PCNX1: variants seen among roughly 807,000 people sequenced by gnomAD.
PCNX1 encodes the protein pecanex 1, also known as pecanex-like protein 1.
A neutral mutation model predicts 242.2 loss-of-function variants in PCNX1; 78 were observed. The observed-to-expected ratio is 0.32, with a 90% CI of 0.27 to 0.39. The LOEUF is 0.39. Among genes scored for constraint, PCNX1 ranks in the 10% least tolerant of loss-of-function variants. PCNX1 has a pLI of 1.00. For synonymous variants in PCNX1, 1,024 were observed against 1,032.9 expected (o/e 0.99, Z 0.17); for missense variants, 2,581 against 2,856.5 (o/e 0.90, Z 2.20).
chr14:70,968,916 T>C lies in PCNX1; in HGVS notation c.515-105T>C, dbSNP rs115576037. 9.5e-3 allele frequency: 6,364 copies of C among 669,110 alleles called. 58 individuals are homozygous for C. The highest frequency in any genetic ancestry group is 0.016 in the African/African-American group (892 of 55,612). 41.4% of individuals were successfully genotyped at this position (669,110 alleles called of 1,614,324 possible). On this transcript the variant is annotated intron_variant, in intron 4 of 35. Coordinates refer to ENST00000304743, the MANE Select transcript of PCNX1 (RefSeq NM_014982.3). ...CTTTGATACACAAAAACTACTTTAG[T>C]TGATAGACATTAGTACTCCTTGATG... is the stretch of plus-strand genomic sequence containing the variant.
chr14:70,996,081 C>CT (rs1404223635), intron 8 of PCNX1, among the ~76,000 whole-genome samples, 156 bp downstream of exon 8: 1 of 152,052 alleles, frequency 6.6e-6, no homozygotes, highest in Non-Finnish European at 1.5e-5. Flanking sequence ...GAAAATGTGA[C>CT]TTTTTGCTTT....
intron 2 of PCNX1, among the ~76,000 whole-genome samples, chr14:70,948,826 A>G (rs1030229882): frequency 6.8e-6 from 1 of 146,918 alleles, no homozygotes; most frequent in African/African-American, 2.5e-5. Context: ...ATTTTTATTT[A>G]CTCGTATAAA....
At chr14:70,915,038 T>C (rs781473845) in intron 1 of PCNX1, among the ~76,000 whole-genome samples, 6 of 152,338 alleles carry the variant, frequency 3.9e-5, no homozygotes, top group Non-Finnish European at 7.3e-5. Flanking sequence ...ACATGCTTTG[T>C]GTAAGCCACC....
chr14:70,927,093 A>G (rs2056621711), intron 1 of PCNX1, among the ~76,000 whole-genome samples: 1 of 152,222 alleles, frequency 6.6e-6, no homozygotes, highest in African/African-American at 2.4e-5. Context: ...GATTGTGGCA[A>G]TATAATCCAG....
rs377287955 is a variant in PCNX1 at position 71,019,199 on chromosome 14, A to G, written c.3150+37A>G. ...TCTTCTTTTCATGCTACGGAATTAT[A>G]TTTGTGTTAAAAGGCAGAGGATTTT... On this transcript the variant is annotated intron_variant, in intron 12 of 35. Transcript: ENST00000304743. 6 of 1,525,018 alleles carry G rather than the reference A, an allele frequency of 3.9e-6. No individual in the cohort carries two copies. The African/African-American group carries it at 8.4e-5, about 21-fold the overall frequency. The allele number at this position is 1,525,018 out of a possible 1,614,324, so 94.5% of individuals were successfully genotyped here. A position where few individuals can be genotyped will look rare whatever the true frequency, so the allele number is the denominator to read the frequency against.
rs1367096144 is a variant in PCNX1 at position 70,978,686 on chromosome 14, C to T, written c.2311+38C>T. 7 of 1,539,866 alleles carry T rather than the reference C, an allele frequency of 4.5e-6. No individual in the cohort carries two copies. The South Asian group carries it at 8.8e-5, about 19-fold the overall frequency. ...TAAGAAGAGATTTCTGTAAGACTCA[C>T]TGCTTTTTCATACTATTAATTAGAG... On this transcript the variant is annotated intron_variant, in intron 6 of 35. Coordinates refer to ENST00000304743, the MANE Select transcript of PCNX1 (RefSeq NM_014982.3).
At chr14:71,018,568 G>A (rs1198497876) in intron 11 of PCNX1, among the ~76,000 whole-genome samples, 1 of 151,978 alleles carries the variant, frequency 6.6e-6, no homozygotes, top group African/African-American at 2.4e-5. Context: ...CCAGAATTTT[G>A]TTACTATTTT....
chr14:71,047,000 T>G lies in PCNX1; in HGVS notation c.4055T>G (p.Val1352Gly). The change falls in exon 21 of 36, where the codon GTG becomes GGG. Residue 1352 changes from valine to glycine, a missense_variant. Val to Gly is a moderately radical substitution (Grantham distance 109). Around this residue, in one of 9 missense-constraint regions of PCNX1, gnomAD observed 432 missense variants for 443.1 expected, o/e 0.97. Transcript: ENST00000304743. ...ATMMWFEKLH[V>G]WLLFVEKNII... ...ATGATGTGGTTTGAGAAACTTCATG[T>G]GTGGCTTCTTTTTGTGGAGAAGAAT... 1.2e-6 allele frequency: 2 copies of G among 1,610,320 alleles called. No individual in the cohort carries two copies. Among genetic ancestry groups the G allele is most frequent in the Non-Finnish European group, 1.7e-6 (2 of 1,177,614 alleles).
At position 70,999,693 on chromosome 14, in the gene PCNX1, T is replaced by A. The variant is rs541354310; in HGVS notation, c.2629+3768T>A. The stretch of plus-strand genomic sequence containing the variant: ...TTGTTAACTTGAAAATGTAGTTGGC[T>A]GTAGGAGAATTATTGAAGGAAACCT... On this transcript the variant is annotated intron_variant, in intron 8 of 35. Coordinates refer to ENST00000304743, the MANE Select transcript of PCNX1 (RefSeq NM_014982.3). 1.1e-4 allele frequency among the ~76,000 whole-genome samples: 16 copies of A among 152,320 alleles called. No individual in the cohort carries two copies. The East Asian group carries it at 3.1e-3, about 29-fold the overall frequency.
Position 70,907,654 on chromosome 14 carries a change from G to C in PCNX1, c.-197G>C. The C allele has an allele frequency of 4.2e-6, 2 of 476,870 alleles. No individual in the cohort carries two copies. The highest frequency in any genetic ancestry group is 3.0e-6 in the Non-Finnish European group (1 of 333,938). The allele number at this position is 476,870 out of a possible 1,614,324, so 29.5% of individuals were successfully genotyped here. On this transcript the variant is annotated 5_prime_UTR_variant, in exon 1 of 36. Transcript: ENST00000304743. The stretch of plus-strand genomic sequence containing the variant: ...CCGCCGCTCGCCGCCTCCTCCTCTC[G>C]GGTCTCCTCCTCCTCGTTTGCTGCC...
intron 8 of PCNX1, among the ~76,000 whole-genome samples, chr14:70,997,508 A>C (rs1251336614): frequency 1.3e-5 from 2 of 152,164 alleles, no homozygotes; most frequent in African/African-American, 4.8e-5. Flanking sequence ...AAATACTTAC[A>C]TATGAACTGC....
At chr14:71,057,220 C>G (rs75752210) in intron 25 of PCNX1, among the ~76,000 whole-genome samples, 1 of 152,058 alleles carries the variant, frequency 6.6e-6, no homozygotes, top group Non-Finnish European at 1.5e-5. Flanking sequence ...TGAATAATTA[C>G]GAACTGTTGA....
In PCNX1 at chr14:71,089,196, T is replaced by G. The variant is rs2062067076; in HGVS notation, c.5443T>G (p.Leu1815Val). 6.2e-7 allele frequency: 1 copy of G among 1,605,626 alleles called. No individual in the cohort carries two copies. Residue 1815 changes from leucine (L) to valine (V), a missense_variant, in exon 30 of 36, where the codon TTA becomes GTA. Leu to Val is a conservative substitution (Grantham distance 32). This residue lies in a region of PCNX1 where 298 missense variants were observed against 480.1 expected (regional missense o/e 0.62). Coordinates refer to ENST00000304743, the MANE Select transcript of PCNX1 (RefSeq NM_014982.3). Reference protein sequence around the residue: ...GTASHHMSSNLESFLYGLHAL... With the variant: ...GTASHHMSSNVESFLYGLHAL... ...TTTTATCTCCAATCTTAACAGTAAT[T>G]TAGAGTCATTCCTCTATGGATTGCA...
chr14:71,067,474 T>G (rs1050984897), intron 26 of PCNX1, among the ~76,000 whole-genome samples: 2 of 152,168 alleles, frequency 1.3e-5, no homozygotes, highest in African/African-American at 4.8e-5. Context: ...CCTTTATCAT[T>G]TTTTGTGTCC....
At chr14:71,064,548 T>A (rs566189627) in intron 26 of PCNX1, among the ~76,000 whole-genome samples, 1 of 152,172 alleles carries the variant, frequency 6.6e-6, no homozygotes, top group Non-Finnish European at 1.5e-5. Context: ...AAATCTTTGA[T>A]AAACTTCCTG....
chr14:70,986,839 T>C (rs929606685), intron 6 of PCNX1, among the ~76,000 whole-genome samples: 1 of 152,226 alleles, frequency 6.6e-6, no homozygotes, highest in African/African-American at 2.4e-5. Flanking sequence ...CAAATAATGC[T>C]TTATAAATAA....
At chr14:70,960,485 C>G (rs1298705138) in intron 2 of PCNX1, among the ~76,000 whole-genome samples, 1 of 152,096 alleles carries the variant, frequency 6.6e-6, no homozygotes, top group African/African-American at 2.4e-5. Flanking sequence ...GCTAAAAACT[C>G]TCAATAAATT....
chr14:71,106,307 C>A (rs952123942), intron 33 of PCNX1, among the ~76,000 whole-genome samples: 3 of 152,202 alleles, frequency 2.0e-5, no homozygotes, highest in Non-Finnish European at 4.4e-5. Flanking sequence ...CGTGAGCCAC[C>A]ACGCCCAGCT....
At chr14:70,981,079 T>C (rs532128664) in intron 6 of PCNX1, among the ~76,000 whole-genome samples, 2 of 152,232 alleles carry the variant, frequency 1.3e-5, no homozygotes, top group East Asian at 1.9e-4. Flanking sequence ...GTATGTGGGC[T>C]CCACTGTTGT....
Sources: gnomAD v4.1 joint callset for allele counts (sites outside exome capture counted in the v4.1 genomes callset) on GRCh38, gnomAD v4.1.1 for gene constraint, gnomAD v4.1.1 regional missense constraint, MANE v1.5 for transcripts, NCBI Gene and HGNC (gene_info 2026-07-23, HGNC 2026-07-21) for gene names.